The following NRXN3 variants were observed in gnomAD, a reference collection of about 807,000 sequenced individuals.
The protein encoded by NRXN3 is neurexin III.
Under a neutral mutation model 137.6 loss-of-function variants are expected in NRXN3, and 32 were observed. That is an observed-to-expected ratio of 0.23 (90% CI 0.18 to 0.31). The LOEUF (loss-of-function observed/expected upper bound fraction) is 0.31. Ranked by LOEUF, NRXN3 falls within the 10% of genes least tolerant of loss-of-function variation. The probability of loss-of-function intolerance (pLI) is 1.00; values close to 1 mark genes in which losing one functional copy is unlikely to be tolerated. For synonymous variants in NRXN3, 798 were observed against 784.5 expected, an observed-to-expected ratio of 1.02 and a Z score of -0.29; for missense variants, 1,574 against 2,062.5, an observed-to-expected ratio of 0.76 and a Z score of 4.59.
At chr14:79,113,645 G>GT (rs776657279) in intron 15 of NRXN3, among the ~76,000 whole-genome samples, 1 of 152,056 alleles carries the variant, frequency 6.6e-6, no homozygotes, top group African/African-American at 2.4e-5. Context: ...TCCCAGTTTG[G>GT]TTTTTTCCCC....
intron 15 of NRXN3, among the ~76,000 whole-genome samples, chr14:79,008,583 A>G (rs2099560615): frequency 6.6e-6 from 1 of 152,042 alleles, no homozygotes; most frequent in Admixed American, 6.5e-5. Flanking sequence ...ATAGTTGTGT[A>G]CAAAATAAAA....
chr14:79,058,774 T>A (rs1465812029), intron 15 of NRXN3, among the ~76,000 whole-genome samples: 3 of 152,118 alleles, frequency 2.0e-5, no homozygotes, highest in African/African-American at 4.8e-5. Context: ...AGGGCGGTTC[T>A]CTCCATGCTG....
intron 4 of NRXN3, among the ~76,000 whole-genome samples, chr14:78,510,760 A>G (rs775416172): frequency 1.3e-5 from 2 of 152,130 alleles, no homozygotes; most frequent in East Asian, 3.9e-4. Flanking sequence ...ACTAAATTTC[A>G]TGGAAATTCT....
intron 1 of NRXN3, among the ~76,000 whole-genome samples, chr14:78,200,404 T>C (rs1246113523): frequency 6.6e-6 from 1 of 152,194 alleles, no homozygotes; most frequent in Non-Finnish European, 1.5e-5. Context: ...GAAACTCCAG[T>C]GCATGGTTCT....
intron 4 of NRXN3, among the ~76,000 whole-genome samples, chr14:78,379,778 A>G (rs2088688292): frequency 6.6e-6 from 1 of 152,232 alleles, no homozygotes; most frequent in Non-Finnish European, 1.5e-5. Context: ...AAAAGGAATA[A>G]AAGGCATATA....
At chr14:78,969,851 GTGTGTA>G (rs2099430607) in intron 14 of NRXN3, among the ~76,000 whole-genome samples, 1 of 147,990 alleles carries the variant, frequency 6.8e-6, no homozygotes, top group African/African-American at 2.5e-5. Flanking sequence ...GTGTGTGTGT[GTGTGTA>G]TAAAGGGACA....
chr14:78,743,160 A>G (rs2098588670), intron 8 of NRXN3, among the ~76,000 whole-genome samples: 1 of 152,196 alleles, frequency 6.6e-6, no homozygotes, highest in Admixed American at 6.5e-5. Context: ...TTGGTCACCT[A>G]TCACAAATGA....
At chr14:79,801,057 A>G (rs1020829579) in intron 19 of NRXN3, among the ~76,000 whole-genome samples, 7 of 152,206 alleles carry the variant, frequency 4.6e-5, no homozygotes, top group Admixed American at 4.6e-4. Context: ...GTTGCATGCC[A>G]GGTTCTTGAG....
intron 4 of NRXN3, among the ~76,000 whole-genome samples, chr14:78,560,938 T>C (rs1411054698): frequency 6.6e-6 from 1 of 152,224 alleles, no homozygotes; most frequent in East Asian, 1.9e-4. Flanking sequence ...AGGGATGTTT[T>C]TCAGGATGCT....
intron 4 of NRXN3, among the ~76,000 whole-genome samples, chr14:78,472,672 A>C (rs2095297594): frequency 6.6e-6 from 1 of 152,126 alleles, no homozygotes; most frequent in Non-Finnish European, 1.5e-5. Flanking sequence ...ATTTCATCTC[A>C]CTGTTCCTCC....
Position 78,985,595 on chromosome 14 carries a change from G to A in NRXN3, c.3143-2427G>A, listed in dbSNP as rs569190555. Among the ~76,000 whole-genome samples, 10 of 152,288 alleles carry A rather than the reference G, an allele frequency of 6.6e-5. No homozygotes were observed. The South Asian group carries it at 1.4e-3, about 22-fold the overall frequency. On this transcript the variant is annotated intron_variant, in intron 14 of 20. Transcript: ENST00000335750. The stretch of plus-strand genomic sequence containing the variant: ...AGGCGAAAGATATGGAAAAGGCTTC[G>A]TCTTTAGATTCAATCAACATTCAAA...
chr14:78,237,894 C>T (rs1001646748), intron 1 of NRXN3, among the ~76,000 whole-genome samples: 1 of 152,120 alleles, frequency 6.6e-6, no homozygotes, highest in Non-Finnish European at 1.5e-5. Context: ...CCTGGTAAGC[C>T]CCACCTGGGG....
At chr14:78,726,443 G>C (rs986481225) in intron 8 of NRXN3, among the ~76,000 whole-genome samples, 1 of 123,354 alleles carries the variant, frequency 8.1e-6, no homozygotes, top group African/African-American at 3.1e-5. Flanking sequence ...TGTGGTATTT[G>C]GTTTTCTGTT....
intron 16 of NRXN3, among the ~76,000 whole-genome samples, chr14:79,605,593 T>C (rs2097999327): frequency 6.6e-6 from 1 of 152,134 alleles, no homozygotes; most frequent in East Asian, 1.9e-4. Flanking sequence ...GTTCAAGCAA[T>C]TCTCCTGCCT....
At chr14:79,642,044 A>C (rs2098436071) in intron 16 of NRXN3, among the ~76,000 whole-genome samples, 1 of 135,536 alleles carries the variant, frequency 7.4e-6, no homozygotes, top group Non-Finnish European at 1.7e-5. Context: ...AGGTGACATA[A>C]AAGTATTTTC....
chr14:79,545,680 T>C (rs2097312350), intron 16 of NRXN3, among the ~76,000 whole-genome samples: 1 of 151,224 alleles, frequency 6.6e-6, no homozygotes, highest in South Asian at 2.1e-4. Context: ...TTTTTTTTTG[T>C]TGTTGTTGTT....
At chr14:79,725,090 G>T (rs1268166415) in intron 19 of NRXN3, among the ~76,000 whole-genome samples, 1 of 152,106 alleles carries the variant, frequency 6.6e-6, no homozygotes, top group Non-Finnish European at 1.5e-5. Context: ...CAAGTGCCAG[G>T]TGCAGAAGTT....
chr14:78,803,467 G>A (rs1474055186), intron 8 of NRXN3, among the ~76,000 whole-genome samples, 153 bp from the exon 9 acceptor site: 2 of 152,124 alleles, frequency 1.3e-5, no homozygotes, highest in Non-Finnish European at 2.9e-5. Flanking sequence ...GCGTCACACA[G>A]ATTAAAAGGT....
chr14:78,520,033 T>C (rs1379523143), intron 4 of NRXN3, among the ~76,000 whole-genome samples: 2 of 152,176 alleles, frequency 1.3e-5, no homozygotes, highest in East Asian at 3.8e-4. Flanking sequence ...TCTGAAACAG[T>C]TGGGGGTGGA....
Sources: gnomAD v4.1 joint callset for allele counts (sites outside exome capture counted in the v4.1 genomes callset) on GRCh38, gnomAD v4.1.1 for gene constraint, MANE v1.5 for transcripts, NCBI Gene and HGNC (gene_info 2026-07-23, HGNC 2026-07-21) for gene names.